NSUN7: variants seen among roughly 807,000 people sequenced by gnomAD.
NSUN7 encodes NOP2/Sun RNA methyltransferase family member 7.
Under a neutral mutation model 58.5 loss-of-function variants are expected in NSUN7, and 39 were observed. The ratio of observed to expected loss-of-function variants is 0.67; its 90% CI spans 0.52 to 0.87. The LOEUF is 0.87. Among genes scored for constraint, NSUN7 ranks in the 40% least tolerant of loss-of-function variants. The pLI, the probability that NSUN7 is intolerant of heterozygous loss-of-function variation, is 0.00. For missense variants in NSUN7, 765 were observed against 844.1 expected (o/e 0.91, Z 1.16); for synonymous variants, 278 against 303.7 (o/e 0.92, Z 0.88).
intron 11 of NSUN7, among the ~76,000 whole-genome samples, chr4:40,807,995 G>A (rs1399230131): frequency 1.6e-5 from 2 of 125,484 alleles, no homozygotes; most frequent in Admixed American, 1.1e-4. Flanking sequence ...AGCTGAGATC[G>A]CACCAGCCTG....
intron 4 of NSUN7, among the ~76,000 whole-genome samples, chr4:40,768,337 G>A (rs1190235824): frequency 1.3e-5 from 2 of 151,984 alleles, no homozygotes. Context: ...AAGTAGCTGG[G>A]ATTACAGGTG....
intron 9 of NSUN7, among the ~76,000 whole-genome samples, chr4:40,797,610 T>C (rs1052483246): frequency 2.6e-5 from 4 of 152,124 alleles, no homozygotes; most frequent in African/African-American, 9.7e-5. Context: ...TCAACTTATA[T>C]CCAGAATATA....
rs531830327 is a variant in NSUN7 at position 40,791,432 on chromosome 4, T to C, written c.1180+687T>C. ...CACAAGAATTCTGTGAAGTAGTAAC[T>C]TGTTAACTTCTATTTTACAAATGAG... On this transcript the variant is annotated intron_variant, in intron 8 of 11. Coordinates refer to ENST00000381782, the MANE Select transcript of NSUN7 (RefSeq NM_024677.6). Among the ~76,000 whole-genome samples, 197 of 152,308 alleles carry C rather than the reference T, an allele frequency of 1.3e-3. 2 individuals carry two copies. Among genetic ancestry groups the C allele is most frequent in the African/African-American group, 4.5e-3 (188 of 41,572 alleles).
At chr4:40,801,461 C>T (rs955755092) in intron 10 of NSUN7, among the ~76,000 whole-genome samples, 14 of 152,050 alleles carry the variant, frequency 9.2e-5, no homozygotes, top group Non-Finnish European at 1.6e-4. Flanking sequence ...CATGTACTTT[C>T]CCACTGTTTT....
chr4:40,809,586 G>T lies in NSUN7; in HGVS notation c.*647G>T, dbSNP rs887246397. The T allele has an allele frequency of 1.3e-5, 2 of 152,162 alleles. No individual in the cohort carries two copies. The highest frequency in any genetic ancestry group is 2.9e-5 in the Non-Finnish European group (2 of 68,032). The allele number at this position is 152,162 out of a possible 1,614,324, so 9.4% of individuals were successfully genotyped here. On this transcript the variant is annotated 3_prime_UTR_variant, in exon 12 of 12. Coordinates refer to ENST00000381782, the MANE Select transcript of NSUN7 (RefSeq NM_024677.6). ...AGCTTCCAGGATCCTGAGCAGACTGGACACAATCATCTCTCCCTTCCTCTA... is the reference window on the plus strand; with the variant it reads ...AGCTTCCAGGATCCTGAGCAGACTGTACACAATCATCTCTCCCTTCCTCTA...
Position 40,776,251 on chromosome 4 carries a change from G to A in NSUN7, c.1028G>A (p.Gly343Glu). The change falls in exon 7 of 12, where the codon GGA becomes GAA. Residue 343 changes from glycine to glutamate, a missense_variant. Transcript: ENST00000381782. ...PDLKTLFTKIGCKNIEILHEK... is the reference protein window; with the variant it reads ...PDLKTLFTKIECKNIEILHEK... ...TTGAAGACCCTTTTCACAAAAATAGGATGTAAAAGTATGTAAAAATATTTC... is the reference window on the plus strand; with the variant it reads ...TTGAAGACCCTTTTCACAAAAATAGAATGTAAAAGTATGTAAAAATATTTC... 1 of 1,579,536 alleles carries A rather than the reference G, an allele frequency of 6.3e-7. No individual in the cohort carries two copies. Among genetic ancestry groups the A allele is most frequent in the Non-Finnish European group, 8.6e-7 (1 of 1,164,176 alleles).
chr4:40,767,361 A>G (rs1480674671), intron 4 of NSUN7, among the ~76,000 whole-genome samples: 4 of 152,318 alleles, frequency 2.6e-5, no homozygotes, highest in Admixed American at 2.6e-4. Context: ...ATTCAGGAGT[A>G]GGTTGTTCAG....
chr4:40,759,391 C>G (rs1177298416), intron 2 of NSUN7, among the ~76,000 whole-genome samples: 2 of 152,158 alleles, frequency 1.3e-5, no homozygotes, highest in East Asian at 3.9e-4. Context: ...AAAGAACACT[C>G]GTGTTCCCTG....
chr4:40,759,737 A>C (rs1360796487), intron 2 of NSUN7, among the ~76,000 whole-genome samples: 1 of 152,172 alleles, frequency 6.6e-6, no homozygotes, highest in Non-Finnish European at 1.5e-5. Flanking sequence ...CATACAACAA[A>C]AATTCTAAAT....
chr4:40,809,317 C>T lies in NSUN7; in HGVS notation c.*378C>T, dbSNP rs576819588. 8 of 168,848 alleles carry T rather than the reference C, an allele frequency of 4.7e-5. No individual in the cohort carries two copies. The South Asian group carries it at 5.7e-4, about 12-fold the overall frequency. The allele number at this position is 168,848 out of a possible 1,614,324, so 10.5% of individuals were successfully genotyped here. On this transcript the variant is annotated 3_prime_UTR_variant, in exon 12 of 12. Coordinates refer to ENST00000381782, the MANE Select transcript of NSUN7 (RefSeq NM_024677.6). ...CTCATTAGAAAGCCAAACAGGCAAA[C>T]GATCCTGGCCTCTCCCGCCAGCTGA...
At position 40,793,415 on chromosome 4, in the gene NSUN7, C is replaced by A. The variant is rs183712524; in HGVS notation, c.1181-960C>A. 2.4e-3 allele frequency among the ~76,000 whole-genome samples: 364 copies of A among 152,262 alleles called. 2 individuals are homozygous for A. Among genetic ancestry groups the A allele is most frequent in the African/African-American group, 8.2e-3 (339 of 41,544 alleles). ...CGAGATGGTGCCACTGCACTCCAGC[C>A]TGGATGACAGAGTGAGATCCTGTCT... On this transcript the variant is annotated intron_variant, in intron 8 of 11. Coordinates refer to ENST00000381782, the MANE Select transcript of NSUN7 (RefSeq NM_024677.6).
Position 40,807,123 on chromosome 4 carries a change from T to A in NSUN7, c.1463T>A (p.Phe488Tyr). The A allele has an allele frequency of 1.3e-6, 2 of 1,551,334 alleles. No homozygotes were observed. The highest frequency in any genetic ancestry group is 1.7e-6 in the Non-Finnish European group (2 of 1,146,616). ...LKEIQLSTDK[F>Y]FRMEPSEITN... ...GAAATTCAATTGTCTACTGATAAAT[T>A]TTTCAGAATGGAACCATCTGAAATT... is the stretch of plus-strand genomic sequence containing the variant. The change falls in exon 11 of 12, where the codon TTT (phenylalanine) becomes TAT (tyrosine). Residue 488 changes from phenylalanine (F) to tyrosine (Y), a missense_variant. Coordinates refer to ENST00000381782, the MANE Select transcript of NSUN7 (RefSeq NM_024677.6).
chr4:40,808,488 TC>T lies in NSUN7; in HGVS notation c.1708del (p.Leu570Ter), dbSNP rs762036121. 1.4e-5 allele frequency: 22 copies of T among 1,563,938 alleles called. No homozygotes were observed. The highest frequency in any genetic ancestry group is 1.7e-5 in the Non-Finnish European group (20 of 1,152,226). ...GGCATCCAAATGAAAATTGCTGAGT[TC>T]CTGAATCGAGAAACTAAAGCCAGTG... ...DNGIQMKIAE[F>X]LNRETKASAN... is the part of the protein sequence containing the mutation. On this transcript the variant is annotated frameshift_variant, in exon 12 of 12. Coordinates refer to ENST00000381782, the MANE Select transcript of NSUN7 (RefSeq NM_024677.6). LOFTEE classifies it low-confidence loss of function (END_TRUNC).
intron 10 of NSUN7, among the ~76,000 whole-genome samples, 185 bp downstream of exon 10, chr4:40,799,089 T>G (rs971595771): frequency 1.1e-4 from 16 of 140,192 alleles, no homozygotes; most frequent in African/African-American, 3.5e-4. Context: ...TTTTTTTTTT[T>G]TTTTTTTTTT....
chr4:40,785,076 A>G (rs1373008635), intron 7 of NSUN7, among the ~76,000 whole-genome samples: 1 of 152,106 alleles, frequency 6.6e-6, no homozygotes, highest in Non-Finnish European at 1.5e-5. Context: ...TCTCACTGTC[A>G]CCCAGGCTGT....
At chr4:40,769,268 G>A (rs1023515671) in intron 4 of NSUN7, among the ~76,000 whole-genome samples, 4 of 152,196 alleles carry the variant, frequency 2.6e-5, no homozygotes, top group South Asian at 4.1e-4. Flanking sequence ...ATGGCAGGTA[G>A]AGTGATATTT....
intron 2 of NSUN7, among the ~76,000 whole-genome samples, chr4:40,760,143 T>C (rs1175183883): frequency 2.0e-5 from 3 of 152,246 alleles, no homozygotes; most frequent in African/African-American, 7.2e-5. Context: ...TTTAATATTT[T>C]TCAAAGGCCA....
At chr4:40,759,979 A>G (rs2465553) in intron 2 of NSUN7, among the ~76,000 whole-genome samples, 118,641 of 152,130 alleles carry the variant, frequency 0.78, 46,774 homozygotes, top group African/African-American at 0.85. Flanking sequence ...CAGACGTTGC[A>G]GTGAGCTGAG....
At chr4:40,773,482 A>G (rs931264440) in intron 4 of NSUN7, among the ~76,000 whole-genome samples, 4 of 152,116 alleles carry the variant, frequency 2.6e-5, no homozygotes, top group African/African-American at 9.7e-5. Context: ...CAGGAGTTTG[A>G]GAACAGCTTG....
Sources: allele counts gnomAD v4.1 joint callset (sites outside exome capture counted in the v4.1 genomes callset), GRCh38; gene constraint gnomAD v4.1.1; transcripts MANE v1.5; gene names NCBI Gene and HGNC (gene_info 2026-07-23, HGNC 2026-07-21).